Variants in ZNF254 observed in about 807,000 individuals in gnomAD.
ZNF254 encodes zinc finger protein 254.
A neutral mutation model predicts 12.4 loss-of-function variants in ZNF254; 10 were observed. That is an observed-to-expected ratio of 0.80 (90% confidence interval 0.50 to 1.36). The LOEUF is 1.36. Among genes scored for constraint, ZNF254 ranks in the 40% most tolerant of loss-of-function variants. The pLI, the probability that ZNF254 is intolerant of heterozygous loss-of-function variation, is 0.00. For synonymous variants in ZNF254, 305 were observed against 253.4 expected (o/e 1.20, Z -1.93); for missense variants, 996 against 763.9 (o/e 1.30, Z -3.58).
In ZNF254 at chr19:24,107,878, C is replaced by T. The variant is rs373223998; in HGVS notation, c.253+1235C>T. 4.6e-5 allele frequency among the ~76,000 whole-genome samples: 7 copies of T among 152,266 alleles called. No individual in the cohort carries two copies. In the East Asian group the frequency reaches 9.6e-4, roughly 21 times the overall value. On this transcript the variant is annotated intron_variant, in intron 3 of 3. Transcript: ENST00000357002. Reference sequence around the variant, plus strand: ...TAGTGAAGAGGGGTTGTAGCTTGGCCTTAAGGCTGCTGGGTTTGCACAAGG... The same window carrying T: ...TAGTGAAGAGGGGTTGTAGCTTGGCTTTAAGGCTGCTGGGTTTGCACAAGG...
At chr19:24,060,405 A>C (rs934101784) in intron 2 of ZNF254, among the ~76,000 whole-genome samples, 1 of 152,164 alleles carries the variant, frequency 6.6e-6, no homozygotes, top group African/African-American at 2.4e-5. Flanking sequence ...CCCTGCCCTT[A>C]AAAGACATTG....
intron 1 of ZNF254, among the ~76,000 whole-genome samples, chr19:24,090,535 CA>C (rs1189030144): frequency 2.6e-5 from 4 of 152,138 alleles, no homozygotes; most frequent in Non-Finnish European, 5.9e-5. Context: ...ATCTTGAGTT[CA>C]GGTGATTCTC....
upstream of ZNF254, among the ~76,000 whole-genome samples, chr19:24,084,932 C>CTTTTT (rs150066308): frequency 6.7e-5 from 8 of 119,670 alleles, no homozygotes; most frequent in Non-Finnish European, 6.8e-5. Flanking sequence ...TGACCACAAT[C>CTTTTT]TTTTTTTTTT....
chr19:24,116,852 T>C (rs1198152867), intron 3 of ZNF254, among the ~76,000 whole-genome samples: 1 of 152,104 alleles, frequency 6.6e-6, no homozygotes, highest in African/African-American at 2.4e-5. Flanking sequence ...TTGACGATGG[T>C]GATGTACAGA....
chr19:24,101,569 C>A (rs1025858890), intron 1 of ZNF254, among the ~76,000 whole-genome samples: 36 of 152,198 alleles, frequency 2.4e-4, no homozygotes, highest in Non-Finnish European at 4.4e-5. Flanking sequence ...GCTCTGAGCA[C>A]AAGTATACTT....
chr19:24,107,282 G>T, intron 3 of ZNF254: 1 of 607,540 alleles, frequency 1.6e-6, no homozygotes, highest in Non-Finnish European at 2.9e-6. Flanking sequence ...TAAATCTACA[G>T]GTCACTTTGG....
At chr19:24,111,662 G>A (rs1210731963) in intron 3 of ZNF254, among the ~76,000 whole-genome samples, 2 of 152,222 alleles carry the variant, frequency 1.3e-5, no homozygotes, top group African/African-American at 2.4e-5. Context: ...GTGTGAAATG[G>A]TATCTCATTG....
At chr19:24,050,763 A>T (rs573006185) in intron 2 of ZNF254, among the ~76,000 whole-genome samples, 11 of 151,948 alleles carry the variant, frequency 7.2e-5, no homozygotes, top group Admixed American at 5.3e-4. Flanking sequence ...TTATTTATTT[A>T]TTTTTTTAAG....
upstream of ZNF254, among the ~76,000 whole-genome samples, chr19:24,082,659 A>AC (rs1274926632): frequency 1.5e-5 from 2 of 137,526 alleles, no homozygotes; most frequent in East Asian, 2.2e-4. Flanking sequence ...CAAAAAAACA[A>AC]AAAAAAAAAA....
At chr19:24,116,218 A>G (rs1974063290) in intron 3 of ZNF254, among the ~76,000 whole-genome samples, 2 of 151,772 alleles carry the variant, frequency 1.3e-5, no homozygotes, top group Non-Finnish European at 1.5e-5. Flanking sequence ...CGTTCTCTGT[A>G]TTTCCTGAAT....
intron 2 of ZNF254, among the ~76,000 whole-genome samples, chr19:24,047,817 A>G (rs991418806): frequency 1.3e-5 from 2 of 150,042 alleles, no homozygotes; most frequent in Non-Finnish European, 3.0e-5. Flanking sequence ...CCTCCCAAGT[A>G]GCTGGGATTA....
chr19:24,072,996 G>A (rs146243629), intron 2 of ZNF254, among the ~76,000 whole-genome samples: 19 of 152,320 alleles, frequency 1.2e-4, no homozygotes, highest in African/African-American at 4.3e-4. Context: ...CAAAAGGAGA[G>A]TTACTGGCAC....
At chr19:24,118,145 C>A (rs560329454) in intron 3 of ZNF254, among the ~76,000 whole-genome samples, 1 of 151,578 alleles carries the variant, frequency 6.6e-6, no homozygotes, top group Non-Finnish European at 1.5e-5. Context: ...CTCCGCCTCC[C>A]GGGTTTCAAG....
chr19:24,088,857 A>ATGTT (rs1568448137), intron 1 of ZNF254, among the ~76,000 whole-genome samples: 1 of 147,760 alleles, frequency 6.8e-6, no homozygotes, highest in Non-Finnish European at 1.5e-5. Flanking sequence ...GGGCTTCACT[A>ATGTT]TGTTGTCCAG....
intron 1 of ZNF254, among the ~76,000 whole-genome samples, chr19:24,041,503 C>T (rs1370212707): frequency 2.0e-5 from 3 of 152,254 alleles, no homozygotes; most frequent in African/African-American, 7.2e-5. Context: ...CAGTGCTGGC[C>T]CACCGGCGCT....
intron 1 of ZNF254, among the ~76,000 whole-genome samples, chr19:24,039,463 T>C (rs1047170788): frequency 6.6e-6 from 1 of 152,176 alleles, no homozygotes; most frequent in African/African-American, 2.4e-5. Context: ...TCTCTGTCTG[T>C]TGCCAGGCTG....
chr19:24,113,509 A>AATG (rs1973835572), intron 3 of ZNF254, among the ~76,000 whole-genome samples: 1 of 152,188 alleles, frequency 6.6e-6, no homozygotes, highest in Non-Finnish European at 1.5e-5. Context: ...AACTCTCAAT[A>AATG]AATTAGGTAT....
chr19:24,105,380 C>A (rs1599719915), intron 1 of ZNF254: 7 of 233,660 alleles, frequency 3.0e-5, no homozygotes, highest in African/African-American at 7.2e-5. Context: ...AAAACAAAAA[C>A]AACAGGCTCT....
At chr19:24,121,497 A>C (rs1339560666) in intron 3 of ZNF254, among the ~76,000 whole-genome samples, 3 of 152,152 alleles carry the variant, frequency 2.0e-5, no homozygotes, top group African/African-American at 7.2e-5. Context: ...AATATGAATC[A>C]GCCATATGTC....
Sources: gnomAD v4.1 joint callset for allele counts (sites outside exome capture counted in the v4.1 genomes callset) on GRCh38, gnomAD v4.1.1 for gene constraint, MANE v1.5 for transcripts, NCBI Gene and HGNC (gene_info 2026-07-23, HGNC 2026-07-21) for gene names.